Variants in FHIT observed in about 807,000 individuals in gnomAD.
FHIT encodes fragile histidine triad diadenosine triphosphatase.
FHIT carries 19 observed loss-of-function variants against 17.9 expected under a neutral mutation model. The ratio of observed to expected loss-of-function variants is 1.06; its 90% CI spans 0.74 to 1.56. The LOEUF (loss-of-function observed/expected upper bound fraction) is 1.56, where lower values mean the gene tolerates loss of function less well. FHIT is among the 40% of genes most tolerant of loss of function. The pLI, the probability that FHIT is intolerant of heterozygous loss-of-function variation, is 0.00. For synonymous variants in FHIT, 81 were observed against 69.7 expected, an observed-to-expected ratio of 1.16 and a Z score of -0.81; for missense variants, 248 against 189.2, an observed-to-expected ratio of 1.31 and a Z score of -1.82.
intron 3 of FHIT, among the ~76,000 whole-genome samples, chr3:60,865,755 G>A (rs1393280863): frequency 6.6e-6 from 1 of 152,092 alleles, no homozygotes; most frequent in African/African-American, 2.4e-5. Context: ...ATGGGGGGCT[G>A]TGACAAGGCT....
intron 2 of FHIT, among the ~76,000 whole-genome samples, chr3:61,172,221 T>C (rs1194826737): frequency 6.6e-6 from 1 of 152,192 alleles, no homozygotes; most frequent in Non-Finnish European, 1.5e-5. Flanking sequence ...AAATAAACCA[T>C]GACACAACTA....
intron 5 of FHIT, among the ~76,000 whole-genome samples, chr3:60,248,146 TAA>T: frequency 6.6e-6 from 1 of 152,238 alleles, no homozygotes; most frequent in African/African-American, 2.4e-5. Flanking sequence ...AAAAAAGCTG[TAA>T]AACGTCCTCA....
At chr3:60,076,665 A>T (rs1703022538) in intron 5 of FHIT, among the ~76,000 whole-genome samples, 3 of 152,124 alleles carry the variant, frequency 2.0e-5, no homozygotes. Context: ...TAACAGAGTG[A>T]TAATAATGGT....
intron 5 of FHIT, among the ~76,000 whole-genome samples, chr3:60,457,763 C>G (rs143591977): frequency 0.28 from 36,058 of 131,020 alleles, 7,020 homozygotes; most frequent in African/African-American, 0.44. Flanking sequence ...CCATCAAAAA[C>G]TGGGCGAAGG....
At chr3:60,719,702 GAGA>G (rs782345847) in intron 4 of FHIT, among the ~76,000 whole-genome samples, 13 of 152,130 alleles carry the variant, frequency 8.5e-5, no homozygotes, top group Non-Finnish European at 1.6e-4. Context: ...ACTGTAGTTT[GAGA>G]AGAACTACAC....
At chr3:60,743,797 A>G (rs2042286251) in intron 4 of FHIT, among the ~76,000 whole-genome samples, 1 of 152,158 alleles carries the variant, frequency 6.6e-6, no homozygotes, top group Non-Finnish European at 1.5e-5. Context: ...GGGGACCAGA[A>G]CTGAAGCAAG....
chr3:60,485,728 A>C (rs1168486440), intron 5 of FHIT, among the ~76,000 whole-genome samples: 1 of 152,136 alleles, frequency 6.6e-6, no homozygotes, highest in African/African-American at 2.4e-5. Context: ...ACGTATACCT[A>C]TGTAACAAAC....
chr3:60,926,910 C>G (rs887016204), intron 3 of FHIT, among the ~76,000 whole-genome samples: 25 of 152,012 alleles, frequency 1.6e-4, no homozygotes, highest in African/African-American at 5.1e-4. Flanking sequence ...ACTACCATCA[C>G]AGAATACTAA....
chr3:60,081,693 A>C (rs760445110), intron 5 of FHIT, among the ~76,000 whole-genome samples: 2 of 152,146 alleles, frequency 1.3e-5, no homozygotes, highest in Non-Finnish European at 2.9e-5. Flanking sequence ...ACTATCCGAT[A>C]ATAAGGAAAA....
intron 4 of FHIT, among the ~76,000 whole-genome samples, chr3:60,655,580 C>A (rs1284067738): frequency 1.3e-5 from 2 of 152,078 alleles, no homozygotes; most frequent in African/African-American, 2.4e-5. Context: ...GGATGACATT[C>A]GGGGGTTTGG....
At chr3:60,852,783 TG>T (rs1379217746) in intron 3 of FHIT, among the ~76,000 whole-genome samples, 4 of 152,036 alleles carry the variant, frequency 2.6e-5, no homozygotes, top group African/African-American at 9.7e-5. Context: ...GTGGGAAGGC[TG>T]CTTGAAACCA....
intron 3 of FHIT, among the ~76,000 whole-genome samples, chr3:61,034,198 C>T (rs1490251261): frequency 6.6e-6 from 1 of 152,040 alleles, no homozygotes; most frequent in Admixed American, 6.6e-5. Flanking sequence ...ATTACCCTCA[C>T]ATTTGGCAAT....
chr3:60,406,561 T>G lies in FHIT; in HGVS notation c.103+130299A>C, dbSNP rs373647140. 5.3e-5 allele frequency among the ~76,000 whole-genome samples: 8 copies of G among 152,228 alleles called. 1 individual carries two copies. The highest frequency in any genetic ancestry group is 2.1e-4 in the South Asian group (1 of 4,812). The stretch of plus-strand genomic sequence containing the variant: ...CTTTCTTTATCGTTTGCTTTCACTG[T>G]ATGTTTTGTGGATCAAGTTAATCAT... On this transcript the variant is annotated intron_variant, in intron 5 of 9. Transcript: ENST00000492590.
At chr3:60,771,423 G>A (rs1417686387) in intron 4 of FHIT, among the ~76,000 whole-genome samples, 1 of 152,170 alleles carries the variant, frequency 6.6e-6, no homozygotes, top group Non-Finnish European at 1.5e-5. Context: ...AACAGGAACG[G>A]AGTGGTCTGC....
At chr3:61,211,937 GCTGAGGGTCCTGT>G (rs1309956175) in intron 1 of FHIT, among the ~76,000 whole-genome samples, 1 of 152,230 alleles carries the variant, frequency 6.6e-6, no homozygotes, top group African/African-American at 2.4e-5. Context: ...CAGTCCTGCA[GCTGAGGGTCCTGT>G]CTCGTAGAAG....
At chr3:60,792,944 T>C (rs1559726854) in intron 4 of FHIT, among the ~76,000 whole-genome samples, 2 of 152,112 alleles carry the variant, frequency 1.3e-5, no homozygotes, top group African/African-American at 4.8e-5. Context: ...AATAATGGTC[T>C]TCAAGTAAGT....
chr3:60,071,585 C>T (rs1018536433), intron 5 of FHIT, among the ~76,000 whole-genome samples: 7 of 152,170 alleles, frequency 4.6e-5, no homozygotes, highest in African/African-American at 1.7e-4. Flanking sequence ...TGTATAGCAT[C>T]TCTGGAATAA....
At chr3:60,425,530 C>G (rs1702629899) in intron 5 of FHIT, among the ~76,000 whole-genome samples, 1 of 151,978 alleles carries the variant, frequency 6.6e-6, no homozygotes, top group Non-Finnish European at 1.5e-5. Flanking sequence ...ACCCCTGAAC[C>G]TAGCAGTTAA....
chr3:59,988,349 T>G (rs1387779352), intron 7 of FHIT, among the ~76,000 whole-genome samples: 2 of 152,124 alleles, frequency 1.3e-5, no homozygotes, highest in Non-Finnish European at 2.9e-5. Context: ...TGTTTGGTAT[T>G]TCTCTCACCT....
Sources: gnomAD v4.1 joint callset for allele counts (sites outside exome capture counted in the v4.1 genomes callset) on GRCh38, gnomAD v4.1.1 for gene constraint, MANE v1.5 for transcripts, NCBI Gene and HGNC (gene_info 2026-07-23, HGNC 2026-07-21) for gene names.